Variants in TDRD3 observed in about 807,000 individuals in gnomAD.
The protein encoded by TDRD3 is tudor domain containing 3, also known as tudor domain-containing protein 3.
TDRD3 carries 45 observed loss-of-function variants against 86.7 expected under a neutral mutation model. The observed-to-expected ratio is 0.52, with a 90% CI of 0.41 to 0.67. The LOEUF (loss-of-function observed/expected upper bound fraction) is 0.67. Ranked by LOEUF, TDRD3 falls within the 30% of genes least tolerant of loss-of-function variation. TDRD3 has a pLI of 0.00. For synonymous variants in TDRD3, 298 were observed against 301.7 expected, an observed-to-expected ratio of 0.99 and a Z score of 0.13; for missense variants, 814 against 889.0, an observed-to-expected ratio of 0.92 and a Z score of 1.07.
chr13:60,550,334 T>G (rs1308893274), intron 12 of TDRD3, among the ~76,000 whole-genome samples: 1 of 152,126 alleles, frequency 6.6e-6, no homozygotes, highest in Non-Finnish European at 1.5e-5. Flanking sequence ...CCTTTGAGGA[T>G]AAATGTCTTG....
intron 1 of TDRD3, among the ~76,000 whole-genome samples, chr13:60,397,886 CA>C (rs992949067): frequency 7.2e-5 from 11 of 152,048 alleles, no homozygotes; most frequent in African/African-American, 2.7e-4. Flanking sequence ...CAGAGCAGAG[CA>C]CAGCCCGCGC....
chr13:60,479,735 T>C (rs1956271252), intron 5 of TDRD3, among the ~76,000 whole-genome samples: 1 of 152,230 alleles, frequency 6.6e-6, no homozygotes, highest in Non-Finnish European at 1.5e-5. Context: ...TTGAATTCTT[T>C]ATTATTATGT....
chr13:60,525,363 A>G (rs1018201445), intron 10 of TDRD3, among the ~76,000 whole-genome samples: 10 of 151,116 alleles, frequency 6.6e-5, no homozygotes, highest in African/African-American at 2.4e-4. Context: ...TAGTAGAGAC[A>G]GGGTTTCACC....
intron 7 of TDRD3, among the ~76,000 whole-genome samples, chr13:60,490,214 T>C (rs1325113647): frequency 2.0e-5 from 3 of 152,264 alleles, no homozygotes; most frequent in East Asian, 3.9e-4. Flanking sequence ...ATCTGAATCA[T>C]AGTAATATAA....
chr13:60,476,093 C>A lies in TDRD3; in HGVS notation c.496-7682C>A, dbSNP rs896917939. On this transcript the variant is annotated intron_variant, in intron 5 of 13. Coordinates refer to ENST00000377881, the MANE Select transcript of TDRD3 (RefSeq NM_001146070.2). ...TTTTTGTTACAGTTGCTCTTGAGGACTTGGTTGTAAATTCTTTGCCAAGGC... is the reference window on the plus strand; with the variant it reads ...TTTTTGTTACAGTTGCTCTTGAGGAATTGGTTGTAAATTCTTTGCCAAGGC... Among the ~76,000 whole-genome samples, 14 of 152,150 alleles carry A rather than the reference C, an allele frequency of 9.2e-5. No individual in the cohort carries two copies. In the East Asian group the frequency reaches 2.7e-3, roughly 29 times the overall value.
intron 3 of TDRD3, among the ~76,000 whole-genome samples, chr13:60,453,486 C>T (rs9528142): frequency 1 from 151,717 of 152,278 alleles, 75,578 homozygotes; most frequent in Middle Eastern, 1. Context: ...GCAACACTTT[C>T]CTTTAATCAG....
At chr13:60,515,703 A>G (rs1045896475) in intron 10 of TDRD3, among the ~76,000 whole-genome samples, 5 of 152,236 alleles carry the variant, frequency 3.3e-5, no homozygotes, top group Non-Finnish European at 2.9e-5. Context: ...TAAAATAAAC[A>G]AACAAACACA....
chr13:60,569,023 C>A (rs983809410), intron 13 of TDRD3, among the ~76,000 whole-genome samples: 26 of 152,102 alleles, frequency 1.7e-4, no homozygotes, highest in African/African-American at 5.3e-4. Context: ...GGCTGGAGTG[C>A]AGTGGCACCA....
At chr13:60,408,372 A>G (rs1194176449) in intron 1 of TDRD3, among the ~76,000 whole-genome samples, 1 of 152,236 alleles carries the variant, frequency 6.6e-6, no homozygotes, top group Non-Finnish European at 1.5e-5. Context: ...ATGTGGAAGC[A>G]GCTTTAGAAC....
At chr13:60,414,050 G>A (rs752450491) in intron 1 of TDRD3, among the ~76,000 whole-genome samples, 1 of 152,026 alleles carries the variant, frequency 6.6e-6, no homozygotes, top group Non-Finnish European at 1.5e-5. Flanking sequence ...TTGTTATTAA[G>A]TATTTGCCTT....
At chr13:60,451,885 A>G (rs895750250) in intron 3 of TDRD3, among the ~76,000 whole-genome samples, 7 of 152,186 alleles carry the variant, frequency 4.6e-5, no homozygotes, top group African/African-American at 1.4e-4. Context: ...TCTTAAAAAT[A>G]TCATGTTGGA....
chr13:60,434,187 A>T (rs1265218140), intron 1 of TDRD3: 1 of 152,246 alleles, frequency 6.6e-6, no homozygotes, highest in East Asian at 1.9e-4. Context: ...TGAGCACTTA[A>T]GGCTGGGTGT....
chr13:60,532,230 C>T (rs1219342708), intron 11 of TDRD3, among the ~76,000 whole-genome samples: 2 of 152,132 alleles, frequency 1.3e-5, no homozygotes, highest in Non-Finnish European at 2.9e-5. Context: ...CAGTACCTAA[C>T]AAAACAGTAC....
At chr13:60,478,493 T>C (rs577956414) in intron 5 of TDRD3, among the ~76,000 whole-genome samples, 1 of 151,842 alleles carries the variant, frequency 6.6e-6, no homozygotes, top group Admixed American at 6.6e-5. Flanking sequence ...TTAGTAGAGA[T>C]GGGGTTTCAG....
At chr13:60,416,914 A>C (rs1396298833) in intron 1 of TDRD3, among the ~76,000 whole-genome samples, 2 of 151,810 alleles carry the variant, frequency 1.3e-5, no homozygotes, top group African/African-American at 4.8e-5. Flanking sequence ...TATTCTTATC[A>C]TACCTTTCCC....
chr13:60,496,693 A>G (rs1956726467), intron 8 of TDRD3, among the ~76,000 whole-genome samples: 1 of 152,134 alleles, frequency 6.6e-6, no homozygotes, highest in African/African-American at 2.4e-5. Flanking sequence ...GTTGCTTCTA[A>G]GTTTGGTGGA....
chr13:60,528,747 G>A lies in TDRD3; in HGVS notation c.1522G>A (p.Gly508Arg). The A allele has an allele frequency of 6.2e-7, 1 of 1,613,074 alleles. No individual in the cohort carries two copies. The highest frequency in any genetic ancestry group is 8.5e-7 in the Non-Finnish European group (1 of 1,179,716). ...KRDNSMQSRSGKGPSFAEAKE... is the reference protein window; with the variant it reads ...KRDNSMQSRSRKGPSFAEAKE... ...AGATAACTCTATGCAAAGCAGATCA[G>A]GAAAAGGTCCCTCCTTTGCAGAGGC... The change falls in exon 11 of 14, where the codon GGA becomes AGA. Residue 508 changes from glycine (G) to arginine (R), a missense_variant. Transcript: ENST00000377881.
At chr13:60,569,985 A>C (rs1958548045) in intron 13 of TDRD3, among the ~76,000 whole-genome samples, 1 of 152,230 alleles carries the variant, frequency 6.6e-6, no homozygotes, top group Non-Finnish European at 1.5e-5. Context: ...CTGGAGAAAC[A>C]GTCTAGGACA....
intron 1 of TDRD3, among the ~76,000 whole-genome samples, chr13:60,399,058 ACG>A (rs1385907774): frequency 2.3e-4 from 35 of 152,192 alleles, no homozygotes; most frequent in Non-Finnish European, 4.0e-4. Context: ...GGTCCCGAAC[ACG>A]TGTTGACTTT....
Sources: gnomAD v4.1 joint callset for allele counts (sites outside exome capture counted in the v4.1 genomes callset) on GRCh38, gnomAD v4.1.1 for gene constraint, MANE v1.5 for transcripts, NCBI Gene and HGNC (gene_info 2026-07-23, HGNC 2026-07-21) for gene names.